Variants in TMEM269 observed in about 807,000 individuals in gnomAD.
TMEM269 encodes transmembrane protein 269.
TMEM269 carries 12 observed loss-of-function variants against 15.8 expected under a neutral mutation model. That is an observed-to-expected ratio of 0.76 (90% CI 0.49 to 1.23). The LOEUF (loss-of-function observed/expected upper bound fraction) is 1.23, where lower values mean the gene tolerates loss of function less well. Ranked by LOEUF, TMEM269 falls within the 50% of genes most tolerant of loss-of-function variation. TMEM269 has a pLI of 0.00. For synonymous variants in TMEM269, 93 were observed against 99.3 expected, an observed-to-expected ratio of 0.94 and a Z score of 0.38; for missense variants, 211 against 245.4, an observed-to-expected ratio of 0.86 and a Z score of 0.94.
intron 2 of TMEM269, among the ~76,000 whole-genome samples, chr1:42,790,385 G>A (rs375820647): frequency 4.6e-5 from 7 of 152,054 alleles, no homozygotes; most frequent in East Asian, 3.9e-4. Flanking sequence ...TTTATGATGC[G>A]GGTAACATCT....
intron 5 of TMEM269, among the ~76,000 whole-genome samples, chr1:42,795,238 T>TCA (rs1317103742): frequency 2.0e-5 from 3 of 152,230 alleles, no homozygotes; most frequent in African/African-American, 7.2e-5. Context: ...TATGTTGTGA[T>TCA]GGCTTTGAGG....
In TMEM269 at chr1:42,800,065, A is replaced by G. The variant is rs1174651585; in HGVS notation, c.*1840A>G. 2 of 152,220 alleles carry G rather than the reference A, an allele frequency of 1.3e-5. No individual in the cohort carries two copies. Among genetic ancestry groups the G allele is most frequent in the Admixed American group, 6.5e-5 (1 of 15,274 alleles). 9.4% of individuals were successfully genotyped at this position (152,220 alleles called of 1,614,324 possible). On this transcript the variant is annotated 3_prime_UTR_variant, in exon 6 of 6. Transcript: ENST00000637012. Reference sequence around the variant, plus strand: ...GATGCAATTCTGAAAGAGAATTTCCATGTCCATTTTAAGTGACAGCAGCAG... The same window carrying G: ...GATGCAATTCTGAAAGAGAATTTCCGTGTCCATTTTAAGTGACAGCAGCAG...
At chr1:42,796,567 C>T (rs1217268219) in intron 5 of TMEM269, 1 of 151,144 alleles carries the variant, frequency 6.6e-6, no homozygotes, top group Non-Finnish European at 1.5e-5. Context: ...CAGGGAGTAG[C>T]CGAAAATCAT....
At chr1:42,790,232 C>A (rs1653659642) in intron 2 of TMEM269, among the ~76,000 whole-genome samples, 1 of 152,102 alleles carries the variant, frequency 6.6e-6, no homozygotes, top group Non-Finnish European at 1.5e-5. Context: ...ATCATATGAC[C>A]TGGCAGAATA....
rs1653579678 is a variant in TMEM269 at position 42,788,199 on chromosome 1, C to G, written c.-98-1597C>G. 1 of 152,424 alleles carries G rather than the reference C, an allele frequency of 6.6e-6. No individual in the cohort carries two copies. The highest frequency in any genetic ancestry group is 2.1e-4 in the South Asian group (1 of 4,834). 9.4% of individuals were successfully genotyped at this position (152,424 alleles called of 1,614,324 possible). A position where few individuals can be genotyped will look rare whatever the true frequency, so the allele number is the denominator to read the frequency against. The stretch of plus-strand genomic sequence containing the variant: ...TTTATGAGAAAAGACCATGGTTTGT[C>G]TCAGCTCTTGTCCAGACCAGATGGG... On this transcript the variant is annotated intron_variant, in intron 1 of 5. Transcript: ENST00000637012. The surrounding 1 kb of genome is among the most constrained non-coding windows in gnomAD (Gnocchi z 4.0).
In TMEM269 at chr1:42,800,732, C is replaced by T. The variant is rs745395758; in HGVS notation, c.*2507C>T. 1 of 152,068 alleles carries T rather than the reference C, an allele frequency of 6.6e-6. No homozygotes were observed. Among genetic ancestry groups the T allele is most frequent in the Admixed American group, 6.5e-5 (1 of 15,274 alleles). The allele number at this position is 152,068 out of a possible 1,614,324, so 9.4% of individuals were successfully genotyped here. On this transcript the variant is annotated 3_prime_UTR_variant, in exon 6 of 6. Coordinates refer to ENST00000637012, the MANE Select transcript of TMEM269 (RefSeq NM_001354602.2). Reference sequence around the variant, plus strand: ...AGGGTTGTTTTGTGGATTGAACAACCGTGATGTTTTATGTGGATGAATGTA... The same window carrying T: ...AGGGTTGTTTTGTGGATTGAACAACTGTGATGTTTTATGTGGATGAATGTA...
chr1:42,789,556 T>C (rs1215474585), intron 1 of TMEM269: 41 of 1,476,528 alleles, frequency 2.8e-5, no homozygotes, highest in Non-Finnish European at 3.7e-5. Context: ...GTGGAAACTA[T>C]GCTTGTGTTG....
intron 2 of TMEM269, among the ~76,000 whole-genome samples, chr1:42,790,888 TAGGTC>T (rs1653673401): frequency 6.6e-6 from 1 of 152,212 alleles, no homozygotes; most frequent in African/African-American, 2.4e-5. Context: ...AGCTGAGGTC[TAGGTC>T]AGGCCCTTTG....
At chr1:42,786,126 G>C (rs1653539085) in intron 1 of TMEM269, among the ~76,000 whole-genome samples, 1 of 152,216 alleles carries the variant, frequency 6.6e-6, no homozygotes, top group Admixed American at 6.5e-5. Context: ...TTCATCTGAG[G>C]CTTCTTGGAG....
At chr1:42,787,676 C>G (rs1420960573) in intron 1 of TMEM269, among the ~76,000 whole-genome samples, 1 of 148,180 alleles carries the variant, frequency 6.7e-6, no homozygotes, top group Non-Finnish European at 1.5e-5. Context: ...AATGGAAATC[C>G]TAAATGTGAA....
rs61775639 is a variant in TMEM269 at position 42,797,181 on chromosome 1, G to A, written c.485-917G>A. 5.3e-3 allele frequency among the ~76,000 whole-genome samples: 812 copies of A among 152,172 alleles called. 3 individuals carry two copies. The highest frequency in any genetic ancestry group is 0.03 in the South Asian group (145 of 4,820). On this transcript the variant is annotated intron_variant, in intron 5 of 5. Transcript: ENST00000637012. The surrounding 1 kb of genome is among the most constrained non-coding windows in gnomAD (Gnocchi z 4.9). ...GAATCTGAGATGCAAATTGTGTTGG[G>A]AGTCCCCAAGACCACCCCTGAGAAG... is the stretch of plus-strand genomic sequence containing the variant.
rs567604123 is a variant in TMEM269 at position 42,797,319 on chromosome 1, G to A, written c.485-779G>A. ...ATGGGAAAAAGTTCAGGGGAAACCA[G>A]GTGCAAGCTTCAGAGAGTCCTCTCC... On this transcript the variant is annotated intron_variant, in intron 5 of 5. Coordinates refer to ENST00000637012, the MANE Select transcript of TMEM269 (RefSeq NM_001354602.2). This position sits in a 1 kb window ranked among gnomAD's most constrained non-coding sequence, Gnocchi z 4.9. Among the ~76,000 whole-genome samples, 1 of 152,244 alleles carries A rather than the reference G, an allele frequency of 6.6e-6. No individual in the cohort carries two copies. Among genetic ancestry groups the A allele is most frequent in the South Asian group, 2.1e-4 (1 of 4,824 alleles).
At chr1:42,798,050 G>C (rs567445007) in intron 5 of TMEM269, 48 bp from the exon 6 acceptor site, 4 of 1,548,808 alleles carry the variant, frequency 2.6e-6, no homozygotes, top group Middle Eastern at 1.7e-4. Flanking sequence ...AGAAAGCATA[G>C]AAGACAGCTT....
intron 1 of TMEM269, among the ~76,000 whole-genome samples, chr1:42,787,223 T>C (rs1446356309): frequency 6.6e-6 from 1 of 152,230 alleles, no homozygotes; most frequent in Non-Finnish European, 1.5e-5. Flanking sequence ...ATTGTAACTT[T>C]TGTTCTGCCA....
intron 1 of TMEM269, among the ~76,000 whole-genome samples, chr1:42,787,610 A>C (rs985698285): frequency 1.6e-5 from 1 of 64,154 alleles, no homozygotes; most frequent in Non-Finnish European, 3.7e-5. Flanking sequence ...CCGTCTCAAA[A>C]AAAAAAAAAA....
At chr1:42,790,071 G>A (rs1315060941) in intron 2 of TMEM269, 137 bp downstream of exon 2, 2 of 648,394 alleles carry the variant, frequency 3.1e-6, no homozygotes, top group Non-Finnish European at 5.4e-6. Flanking sequence ...TGGCTTAGGA[G>A]TCAAGAGGCC....
In TMEM269 at chr1:42,797,979, T is replaced by C; in HGVS notation, c.485-119T>C. 8.7e-7 allele frequency: 1 copy of C among 1,156,018 alleles called. No individual in the cohort carries two copies. The highest frequency in any genetic ancestry group is 1.3e-5 in the South Asian group (1 of 74,974). 71.6% of individuals were successfully genotyped at this position (1,156,018 alleles called of 1,614,324 possible). ...AGGGCTCCTGTCTCTTTCTGTTTGTTTCTTAGGCACTGTGGGTGAAAAGTA... is the reference window on the plus strand; with the variant it reads ...AGGGCTCCTGTCTCTTTCTGTTTGTCTCTTAGGCACTGTGGGTGAAAAGTA... On this transcript the variant is annotated intron_variant, in intron 5 of 5. Transcript: ENST00000637012. The surrounding 1 kb of genome is among the most constrained non-coding windows in gnomAD (Gnocchi z 4.9).
intron 5 of TMEM269, among the ~76,000 whole-genome samples, chr1:42,795,270 G>T (rs1161250685): frequency 6.6e-6 from 1 of 152,218 alleles, no homozygotes; most frequent in Non-Finnish European, 1.5e-5. Flanking sequence ...GGACACATTA[G>T]TGGAGCAATG....
At chr1:42,786,004 G>A (rs1266707220) in intron 1 of TMEM269, among the ~76,000 whole-genome samples, 1 of 152,168 alleles carries the variant, frequency 6.6e-6, no homozygotes, top group East Asian at 1.9e-4. Context: ...ACAAGGCCCG[G>A]CACAGAGCAG....
Sources: allele counts gnomAD v4.1 joint callset (sites outside exome capture counted in the v4.1 genomes callset), GRCh38; gene constraint gnomAD v4.1.1; non-coding constraint Gnocchi (gnomAD v3.1); transcripts MANE v1.5; gene names NCBI Gene and HGNC (gene_info 2026-07-23, HGNC 2026-07-21).